RAB31: variants seen among roughly 807,000 people sequenced by gnomAD.
RAB31 encodes the protein RAB31, member RAS oncogene family, also known as ras-related protein Rab-31.
In RAB31, 21 loss-of-function variants were observed where a neutral mutation model predicts 25.6. The observed-to-expected ratio is 0.82, with a 90% CI of 0.58 to 1.18. The LOEUF is 1.18. RAB31 is among the 50% of genes most tolerant of loss of function. RAB31 has a pLI of 0.00. For missense variants in RAB31, 196 were observed against 250.1 expected (o/e 0.78, Z 1.46); for synonymous variants, 87 against 84.0 (o/e 1.04, Z -0.20).
intron 1 of RAB31, among the ~76,000 whole-genome samples, chr18:9,712,869 G>A (rs566700943): frequency 1.3e-5 from 2 of 152,336 alleles, no homozygotes; most frequent in African/African-American, 4.8e-5. Flanking sequence ...AGTTAAAAGA[G>A]CCGATGGCTT....
At chr18:9,735,531 A>T in intron 1 of RAB31, 1 of 197,016 alleles carries the variant, frequency 5.1e-6, no homozygotes, top group African/African-American at 2.3e-5. Context: ...GTGCTTCCGC[A>T]CTCGGTGATG....
Position 9,708,586 on chromosome 18 carries a change from G to T in RAB31, c.39+142G>T. On this transcript the variant is annotated intron_variant, in intron 1 of 6. Coordinates refer to ENST00000578921, the MANE Select transcript of RAB31 (RefSeq NM_006868.4). This position sits in a 1 kb window ranked among gnomAD's most constrained non-coding sequence, Gnocchi z 6.4. ...TAGCCCCCGTCCCCCTCGTCCGCGC[G>T]CCCCCTGGTTCCCCGGGTCCCCCTG... The T allele has an allele frequency of 1.5e-6, 1 of 671,236 alleles. No homozygotes were observed. The highest frequency in any genetic ancestry group is 2.2e-6 in the Non-Finnish European group (1 of 446,474). 41.6% of individuals were successfully genotyped at this position (671,236 alleles called of 1,614,324 possible). A position where few individuals can be genotyped will look rare whatever the true frequency, so the allele number is the denominator to read the frequency against.
chr18:9,821,295 T>C (rs1174162124), intron 5 of RAB31, among the ~76,000 whole-genome samples: 2 of 152,110 alleles, frequency 1.3e-5, no homozygotes, highest in Non-Finnish European at 2.9e-5. Flanking sequence ...GTGAGCCCGA[T>C]GACACTAAGT....
At chr18:9,712,016 C>G (rs932976566) in intron 1 of RAB31, among the ~76,000 whole-genome samples, 2 of 152,170 alleles carry the variant, frequency 1.3e-5, no homozygotes, top group Non-Finnish European at 2.9e-5. Flanking sequence ...TCCATGGGGT[C>G]GGAGGTCTTA....
intron 1 of RAB31, among the ~76,000 whole-genome samples, chr18:9,729,492 A>C (rs931670611): frequency 2.0e-5 from 3 of 150,844 alleles, no homozygotes; most frequent in Non-Finnish European, 2.9e-5. Context: ...ACGCCAGTGC[A>C]CTCCAGCCTG....
chr18:9,804,466 A>G (rs920191672), intron 3 of RAB31, among the ~76,000 whole-genome samples: 2 of 152,172 alleles, frequency 1.3e-5, no homozygotes, highest in African/African-American at 4.8e-5. Flanking sequence ...CCGCTGAGAC[A>G]GGAGTTTCAG....
chr18:9,816,772 G>A (rs766707872), intron 5 of RAB31, among the ~76,000 whole-genome samples: 1 of 152,160 alleles, frequency 6.6e-6, no homozygotes, highest in Non-Finnish European at 1.5e-5. Context: ...AGGAAATAGC[G>A]AATTTGTGGT....
chr18:9,809,231 C>T (rs551499666), intron 3 of RAB31, among the ~76,000 whole-genome samples: 1 of 152,174 alleles, frequency 6.6e-6, no homozygotes, highest in Non-Finnish European at 1.5e-5. Flanking sequence ...CTGACCCCAC[C>T]CACTGCACCA....
chr18:9,798,788 TAAA>T (rs11285866), intron 3 of RAB31, among the ~76,000 whole-genome samples: 1 of 144,966 alleles, frequency 6.9e-6, no homozygotes, highest in Non-Finnish European at 1.5e-5. Flanking sequence ...GCAGCTAATT[TAAA>T]AAAAAAAAAA....
rs1479154723 is a variant in RAB31, at chr18:9,838,653, A to G, written c.381-6929A>G. 2.6e-5 allele frequency among the ~76,000 whole-genome samples: 4 copies of G among 152,150 alleles called. No homozygotes were observed. In the East Asian group the frequency reaches 7.7e-4, roughly 29 times the overall value. ...AAAACAAGCACCCCTATTGGGTAGC[A>G]CAGGCCTGTTGGAAATGCTGGAGCC... On this transcript the variant is annotated intron_variant, in intron 5 of 6. Transcript: ENST00000578921.
chr18:9,797,364 T>A (rs568184254), intron 3 of RAB31: 1 of 152,370 alleles, frequency 6.6e-6, no homozygotes, highest in East Asian at 1.9e-4. Context: ...ATGTCAGCGA[T>A]GCTTCTGCTT....
intron 1 of RAB31, among the ~76,000 whole-genome samples, chr18:9,771,136 A>G (rs903368931): frequency 6.6e-6 from 1 of 152,164 alleles, no homozygotes; most frequent in African/African-American, 2.4e-5. Context: ...GCACCACTGC[A>G]TTCCAGCCTG....
At chr18:9,759,281 C>G (rs1275532730) in intron 1 of RAB31, among the ~76,000 whole-genome samples, 1 of 152,066 alleles carries the variant, frequency 6.6e-6, no homozygotes, top group Non-Finnish European at 1.5e-5. Flanking sequence ...AGCAATCCTT[C>G]TGTCTCAGCC....
Position 9,859,224 on chromosome 18 carries a change from G to A in RAB31, c.491-4G>A. The A allele has an allele frequency of 1.2e-6, 2 of 1,611,020 alleles. No homozygotes were observed. The highest frequency in any genetic ancestry group is 1.7e-6 in the Non-Finnish European group (2 of 1,177,586). ...ACTCACCCTTGGCCTCCTTTTTGTTGCAGGCCGCCAGATCCCACCCTTGGA... is the reference window on the plus strand; with the variant it reads ...ACTCACCCTTGGCCTCCTTTTTGTTACAGGCCGCCAGATCCCACCCTTGGA... On this transcript the variant is annotated splice_region_variant and splice_polypyrimidine_tract_variant and intron_variant, in intron 6 of 6. Coordinates refer to ENST00000578921, the MANE Select transcript of RAB31 (RefSeq NM_006868.4).
At chr18:9,804,923 G>C (rs1483046820) in intron 3 of RAB31, among the ~76,000 whole-genome samples, 1 of 152,192 alleles carries the variant, frequency 6.6e-6, no homozygotes, top group Non-Finnish European at 1.5e-5. Flanking sequence ...CACACGCTCA[G>C]TGGCTTAAAA....
chr18:9,774,246 T>A (rs1174997527), intron 1 of RAB31, among the ~76,000 whole-genome samples: 1 of 152,172 alleles, frequency 6.6e-6, no homozygotes, highest in African/African-American at 2.4e-5. Context: ...CTGTGTGGGC[T>A]TATCCAGCTT....
At chr18:9,763,121 G>A (rs1445266650) in intron 1 of RAB31, among the ~76,000 whole-genome samples, 1 of 151,848 alleles carries the variant, frequency 6.6e-6, no homozygotes, top group African/African-American at 2.4e-5. Flanking sequence ...TGATGTCCCG[G>A]CACCGAGACC....
chr18:9,789,683 T>A (rs373074917), intron 2 of RAB31, among the ~76,000 whole-genome samples: 78 of 152,374 alleles, frequency 5.1e-4, no homozygotes, highest in Non-Finnish European at 5.0e-4. Context: ...GAATTTTTTT[T>A]ATGAAATACA....
intron 1 of RAB31, chr18:9,723,518 GCAAGACAATTT>G: frequency 6.6e-6 from 1 of 152,142 alleles, no homozygotes; most frequent in South Asian, 2.1e-4. Flanking sequence ...ATTAATCTTA[GCAAGACAATTT>G]TCTTAGTCCA....
Sources: allele counts gnomAD v4.1 joint callset (sites outside exome capture counted in the v4.1 genomes callset), GRCh38; gene constraint gnomAD v4.1.1; non-coding constraint Gnocchi (gnomAD v3.1); transcripts MANE v1.5; gene names NCBI Gene and HGNC (gene_info 2026-07-23, HGNC 2026-07-21).